DOCK5: variants seen among roughly 807,000 people sequenced by gnomAD.
The protein encoded by DOCK5 is dedicator of cytokinesis protein 5.
Under a neutral mutation model 251.8 loss-of-function variants are expected in DOCK5, and 142 were observed. The observed-to-expected ratio is 0.56, with a 90% CI of 0.49 to 0.65. DOCK5 has a LOEUF of 0.65. DOCK5 is among the 30% of genes least tolerant of loss of function. The probability of loss-of-function intolerance (pLI) is 0.00; values close to 1 mark genes in which losing one functional copy is unlikely to be tolerated. For synonymous variants in DOCK5, 842 were observed against 835.5 expected (o/e 1.01, Z -0.13); for missense variants, 2,111 against 2,312.3 (o/e 0.91, Z 1.79).
At chr8:25,407,892 TA>T in intron 48 of DOCK5, 90 bp from the exon 49 acceptor site, 1 of 1,195,484 alleles carries the variant, frequency 8.4e-7, no homozygotes. Context: ...AAAAATAGCC[TA>T]AAGAGTCATA....
intron 17 of DOCK5, 33 bp from the exon 18 acceptor site, chr8:25,325,331 A>G: frequency 6.3e-7 from 1 of 1,598,528 alleles, no homozygotes; most frequent in Non-Finnish European, 8.5e-7. Context: ...GATTTTGGCC[A>G]TCATTTGGTG....
At chr8:25,228,436 G>A (rs1802585088) in intron 1 of DOCK5, among the ~76,000 whole-genome samples, 1 of 152,206 alleles carries the variant, frequency 6.6e-6, no homozygotes, top group South Asian at 2.1e-4. Context: ...GATTGAAGTG[G>A]CAGTGTACAG....
chr8:25,348,089 T>A (rs1198507720), intron 26 of DOCK5, among the ~76,000 whole-genome samples: 1 of 152,250 alleles, frequency 6.6e-6, no homozygotes, highest in Non-Finnish European at 1.5e-5. Context: ...TACCTTTTTT[T>A]CTTCATAAAC....
chr8:25,405,799 A>C (rs1225913306), intron 48 of DOCK5, among the ~76,000 whole-genome samples: 1 of 152,168 alleles, frequency 6.6e-6, no homozygotes, highest in African/African-American at 2.4e-5. Flanking sequence ...GAAAGGAGTT[A>C]TAGTTGTGTT....
intron 21 of DOCK5, 68 bp downstream of exon 21, chr8:25,334,264 T>C: frequency 7.6e-7 from 1 of 1,314,096 alleles, no homozygotes; most frequent in Non-Finnish European, 1.1e-6. Flanking sequence ...ACTGGATTGT[T>C]GAGAAACGAG....
chr8:25,368,246 C>T lies in DOCK5; in HGVS notation c.3279C>T (p.Asn1093=). The change falls in exon 32 of 52, where the codon AAC becomes AAT. Residue 1093 remains asparagine, a synonymous_variant. Coordinates refer to ENST00000276440, the MANE Select transcript of DOCK5 (RefSeq NM_024940.8). ...IGFRIRDMWY[N]LGPHKIKFIP... ...TTAGAATCCGGGACATGTGGTATAA[C>T]CTGGGTGAGTGTCTAGCCTTGAACA... 6.2e-7 allele frequency: 1 copy of T among 1,612,366 alleles called. No individual in the cohort carries two copies. The highest frequency in any genetic ancestry group is 8.5e-7 in the Non-Finnish European group (1 of 1,179,118).
intron 16 of DOCK5, among the ~76,000 whole-genome samples, chr8:25,323,156 GGAGCTCTGC>G (rs1805471106): frequency 6.6e-6 from 1 of 152,146 alleles, no homozygotes. Flanking sequence ...CCAAGAGAGA[GGAGCTCTGC>G]CTCCTCATGA....
At chr8:25,294,599 A>G (rs1804573089) in intron 6 of DOCK5, among the ~76,000 whole-genome samples, 1 of 152,142 alleles carries the variant, frequency 6.6e-6, no homozygotes, top group Non-Finnish European at 1.5e-5. Context: ...ATTCCCAAGC[A>G]TATGCAGAGC....
At position 25,184,965 on chromosome 8, in the gene DOCK5, C is replaced by A; in HGVS notation, c.43+14C>A. Reference sequence around the variant, plus strand: ...AGTACGGGGTTGGTGAGTGCGCGCCCCACCTTGTCCCGGCCCGACCCACGC... The same window carrying A: ...AGTACGGGGTTGGTGAGTGCGCGCCACACCTTGTCCCGGCCCGACCCACGC... On this transcript the variant is annotated intron_variant, in intron 1 of 51. Coordinates refer to ENST00000276440, the MANE Select transcript of DOCK5 (RefSeq NM_024940.8). The A allele has an allele frequency of 7.2e-7, 1 of 1,389,010 alleles. No individual in the cohort carries two copies. The highest frequency in any genetic ancestry group is 2.8e-5 in the Admixed American group (1 of 36,016). The allele number at this position is 1,389,010 out of a possible 1,614,324, so 86.0% of individuals were successfully genotyped here. A position where few individuals can be genotyped will look rare whatever the true frequency, so the allele number is the denominator to read the frequency against.
At chr8:25,384,106 C>T (rs1435745305) in intron 40 of DOCK5, among the ~76,000 whole-genome samples, 1 of 152,244 alleles carries the variant, frequency 6.6e-6, no homozygotes, top group Non-Finnish European at 1.5e-5. Flanking sequence ...AGGCAGTCAG[C>T]TCCTGATACA....
At chr8:25,257,946 A>G (rs756532099) in intron 2 of DOCK5, among the ~76,000 whole-genome samples, 21 of 152,144 alleles carry the variant, frequency 1.4e-4, no homozygotes, top group Non-Finnish European at 2.6e-4. Flanking sequence ...ACAGAAGAGG[A>G]AAGTTAGACT....
At chr8:25,296,758 T>G (rs1804625902) in intron 7 of DOCK5, 110 bp downstream of exon 7, 2 of 1,400,086 alleles carry the variant, frequency 1.4e-6, no homozygotes, top group Middle Eastern at 3.6e-4. Flanking sequence ...GTAGTTTTCG[T>G]CCTCATTTTA....
Position 25,195,165 on chromosome 8 carries a change from C to A in DOCK5, c.43+10214C>A, listed in dbSNP as rs543916378. Among the ~76,000 whole-genome samples, 13 of 152,222 alleles carry A rather than the reference C, an allele frequency of 8.5e-5. No homozygotes were observed. The East Asian group carries it at 2.5e-3, about 29-fold the overall frequency. On this transcript the variant is annotated intron_variant, in intron 1 of 51. Transcript: ENST00000276440. ...TGAACTCTTGACCTCAAGTGATCCA[C>A]CCGCCTTGGCCTCCCAAAGTGCTGG...
rs764487136 is a variant in DOCK5 at position 25,359,573 on chromosome 8, C to T, written c.2949+512C>T. On this transcript the variant is annotated intron_variant, in intron 28 of 51. Coordinates refer to ENST00000276440, the MANE Select transcript of DOCK5 (RefSeq NM_024940.8). The stretch of plus-strand genomic sequence containing the variant: ...CCAGCAAGCATTAACTCCTGAGCTC[C>T]GCCTCCTGTCAGATCAGCAGAGGCA... Among the ~76,000 whole-genome samples, 68 of 152,200 alleles carry T rather than the reference C, an allele frequency of 4.5e-4. 1 individual carries two copies. Among genetic ancestry groups the T allele is most frequent in the Non-Finnish European group, 9.3e-4 (63 of 68,032 alleles).
intron 1 of DOCK5, among the ~76,000 whole-genome samples, chr8:25,194,737 A>G (rs369797230): frequency 2.6e-3 from 391 of 152,046 alleles, no homozygotes; most frequent in African/African-American, 9.0e-3. Flanking sequence ...CCAGAACCGC[A>G]CTTTCCCCAG....
chr8:25,229,346 G>A (rs967123512), intron 1 of DOCK5, among the ~76,000 whole-genome samples: 1 of 152,084 alleles, frequency 6.6e-6, no homozygotes, highest in African/African-American at 2.4e-5. Flanking sequence ...GCCGGGCATG[G>A]TGATGGTCAC....
At chr8:25,339,179 C>T (rs1805887435) in intron 22 of DOCK5, among the ~76,000 whole-genome samples, 1 of 150,538 alleles carries the variant, frequency 6.6e-6, no homozygotes, top group Non-Finnish European at 1.5e-5. Context: ...GTCCCTGGGC[C>T]CCCTGTTGCC....
chr8:25,384,145 A>G (rs1014776602), intron 40 of DOCK5, among the ~76,000 whole-genome samples: 1 of 152,222 alleles, frequency 6.6e-6, no homozygotes, highest in African/African-American at 2.4e-5. Flanking sequence ...TCCCACCCAC[A>G]TGCAGCTTGC....
At chr8:25,206,299 AT>A (rs1037545496) in intron 1 of DOCK5, among the ~76,000 whole-genome samples, 1 of 151,960 alleles carries the variant, frequency 6.6e-6, no homozygotes, top group Non-Finnish European at 1.5e-5. Flanking sequence ...GTTTACCTTG[AT>A]TTTTTTTCTT....
Sources: allele counts gnomAD v4.1 joint callset (sites outside exome capture counted in the v4.1 genomes callset), GRCh38; gene constraint gnomAD v4.1.1; transcripts MANE v1.5; gene names NCBI Gene and HGNC (gene_info 2026-07-23, HGNC 2026-07-21).